Variants in PKD1L3 observed in about 807,000 individuals in gnomAD.
PKD1L3 encodes the protein polycystin 1 like 3, transient receptor potential channel interacting, also known as polycystin-1-like protein 3.
PKD1L3 carries 239 observed loss-of-function variants against 184.1 expected under a neutral mutation model. That is an observed-to-expected ratio of 1.30 (90% confidence interval 1.17 to 1.45). The LOEUF is 1.45. Ranked by LOEUF, PKD1L3 falls within the 40% of genes most tolerant of loss-of-function variation. The probability of loss-of-function intolerance (pLI) is 0.00; values close to 1 mark genes in which losing one functional copy is unlikely to be tolerated. For synonymous variants in PKD1L3, 996 were observed against 778.8 expected, an observed-to-expected ratio of 1.28 and a Z score of -4.64; for missense variants, 2,660 against 2,067.2, an observed-to-expected ratio of 1.29 and a Z score of -5.56.
intron 28 of PKD1L3, 59 bp from the exon 29 acceptor site, chr16:71,930,242 A>G (rs1045630132): frequency 3.4e-6 from 5 of 1,465,482 alleles, no homozygotes; most frequent in Non-Finnish European, 3.6e-6. Context: ...CTTTACAAAC[A>G]TAAGCTATAT....
rs373833705 is a variant in PKD1L3 at position 71,982,149 on chromosome 16, A to G, written c.1053T>C (p.Val351=). Residue 351 remains valine (V), a synonymous_variant, in exon 7 of 30, where the codon GTT becomes GTC. Coordinates refer to ENST00000620267, the MANE Select transcript of PKD1L3 (RefSeq NM_181536.2). The part of the protein sequence containing the change: ...FQNNNSLGFK[V]PPTVCPFHSL... ...AATGAAAGGGGCAGACAGTTGGAGG[A>G]ACTTTGAAGCCCAGACTGTTGTTGT... is the stretch of plus-strand genomic sequence containing the variant. 1.0e-4 allele frequency: 161 copies of G among 1,551,720 alleles called. 1 individual carries two copies. The highest frequency in any genetic ancestry group is 1.3e-4 in the Non-Finnish European group (153 of 1,146,948).
chr16:71,934,372 A>G (rs1239352176), intron 26 of PKD1L3, among the ~76,000 whole-genome samples: 1 of 152,138 alleles, frequency 6.6e-6, no homozygotes, highest in African/African-American at 2.4e-5. Context: ...GAAGCCTTAA[A>G]ATGTGACCTC....
At chr16:71,998,421 C>T (rs2040864502) in intron 1 of PKD1L3, 27 bp from the exon 2 acceptor site, 6 of 1,527,710 alleles carry the variant, frequency 3.9e-6, no homozygotes, top group Non-Finnish European at 4.4e-6. Context: ...CGCAGATGAG[C>T]CTCATACTCG....
intron 26 of PKD1L3, among the ~76,000 whole-genome samples, chr16:71,934,471 A>T (rs2038105644): frequency 6.6e-6 from 1 of 152,144 alleles, no homozygotes; most frequent in Non-Finnish European, 1.5e-5. Context: ...TCAAAAGGAG[A>T]TTAACTCAGC....
At chr16:71,993,834 G>C (rs1021637010) in intron 2 of PKD1L3, among the ~76,000 whole-genome samples, 2 of 152,170 alleles carry the variant, frequency 1.3e-5, no homozygotes, top group Admixed American at 6.5e-5. Flanking sequence ...GAATGCAATG[G>C]CACGATCTGG....
intron 22 of PKD1L3, among the ~76,000 whole-genome samples, chr16:71,945,305 T>TATATATATAC (rs1328351114): frequency 3.4e-5 from 2 of 59,394 alleles, no homozygotes; most frequent in Non-Finnish European, 6.3e-5. Flanking sequence ...TATATATATA[T>TATATATATAC]ACACACACAC....
At chr16:71,981,386 T>C (rs544287706) in intron 7 of PKD1L3, among the ~76,000 whole-genome samples, 1 of 152,290 alleles carries the variant, frequency 6.6e-6, no homozygotes, top group South Asian at 2.1e-4. Context: ...CCAGTACTTG[T>C]TATTTTCTGT....
chr16:71,997,280 T>C (rs1225993846), intron 2 of PKD1L3, among the ~76,000 whole-genome samples: 1 of 150,818 alleles, frequency 6.6e-6, no homozygotes, highest in Non-Finnish European at 1.5e-5. Flanking sequence ...GTATGGTAGT[T>C]GTTTTTTTTT....
chr16:71,990,254 T>A (rs775493274), intron 4 of PKD1L3, 26 bp downstream of exon 4: 8 of 1,512,994 alleles, frequency 5.3e-6, no homozygotes, highest in Non-Finnish European at 6.3e-6. Flanking sequence ...CATTTCACAA[T>A]GTATGTTGTC....
chr16:71,968,355 T>TG (rs1283458536), intron 13 of PKD1L3, among the ~76,000 whole-genome samples: 3 of 152,164 alleles, frequency 2.0e-5, no homozygotes, highest in Non-Finnish European at 4.4e-5. Context: ...ATGAATAATT[T>TG]GGGGCACACT....
chr16:71,938,242 G>A (rs1331193835), intron 24 of PKD1L3, among the ~76,000 whole-genome samples: 1 of 152,274 alleles, frequency 6.6e-6, no homozygotes, highest in Non-Finnish European at 1.5e-5. Context: ...TTTTGGCCAA[G>A]CCTGGGTGTG....
At chr16:71,989,468 T>C (rs538077805) in intron 4 of PKD1L3, among the ~76,000 whole-genome samples, 1 of 152,344 alleles carries the variant, frequency 6.6e-6, no homozygotes, top group African/African-American at 2.4e-5. Context: ...TCTTTTATAC[T>C]GTTAGAAACA....
At chr16:71,956,920 G>A (rs2039071655) in intron 16 of PKD1L3, among the ~76,000 whole-genome samples, 1 of 152,176 alleles carries the variant, frequency 6.6e-6, no homozygotes, top group Non-Finnish European at 1.5e-5. Flanking sequence ...ATGCAGCAGT[G>A]ATTAAGAATC....
chr16:71,961,198 C>T (rs1047249477), intron 16 of PKD1L3, among the ~76,000 whole-genome samples: 1 of 152,130 alleles, frequency 6.6e-6, no homozygotes. Context: ...GTGATCTCAG[C>T]TCACTGCAGC....
chr16:71,989,373 G>C (rs1312008966), intron 4 of PKD1L3, among the ~76,000 whole-genome samples: 1 of 152,134 alleles, frequency 6.6e-6, no homozygotes, highest in Non-Finnish European at 1.5e-5. Context: ...GGCTGGTCTC[G>C]AACTCCCGAC....
intron 5 of PKD1L3, 54 bp from the exon 6 acceptor site, chr16:71,984,221 A>G (rs1362835930): frequency 6.6e-7 from 1 of 1,510,580 alleles, no homozygotes; most frequent in Non-Finnish European, 9.0e-7. Flanking sequence ...ACTGTACTGT[A>G]GTAGTCAGGG....
chr16:71,998,450 T>TTA, intron 1 of PKD1L3, 56 bp from the exon 2 acceptor site: 1 of 1,512,652 alleles, frequency 6.6e-7, no homozygotes, highest in Non-Finnish European at 8.8e-7. Flanking sequence ...GCTTTTAGGT[T>TTA]TATTTTTTAT....
At position 71,953,208 on chromosome 16, in the gene PKD1L3, T is replaced by G; in HGVS notation, c.2810-115A>C. 3 of 879,680 alleles carry G rather than the reference T, an allele frequency of 3.4e-6. No homozygotes were observed. In the South Asian group the frequency reaches 6.7e-5, roughly 20 times the overall value. 54.5% of individuals were successfully genotyped at this position (879,680 alleles called of 1,614,324 possible). On this transcript the variant is annotated intron_variant, in intron 17 of 29. Coordinates refer to ENST00000620267, the MANE Select transcript of PKD1L3 (RefSeq NM_181536.2). The stretch of plus-strand genomic sequence containing the variant: ...GAAGTTAACTACGTTTATCTAGAGA[T>G]AAAATTATCCTGGCAGTAAAGACCA...
intron 24 of PKD1L3, among the ~76,000 whole-genome samples, chr16:71,941,804 C>G (rs1311320328): frequency 6.6e-6 from 1 of 151,140 alleles, no homozygotes; most frequent in East Asian, 2.0e-4. Context: ...AGGCTGGTCT[C>G]GAACTCCTAG....
Sources: gnomAD v4.1 joint callset for allele counts (sites outside exome capture counted in the v4.1 genomes callset) on GRCh38, gnomAD v4.1.1 for gene constraint, MANE v1.5 for transcripts, NCBI Gene and HGNC (gene_info 2026-07-23, HGNC 2026-07-21) for gene names.